Variants in STXBP5L observed in about 807,000 individuals in gnomAD.
The protein encoded by STXBP5L is syntaxin binding protein 5L, also known as syntaxin-binding protein 5-like.
Under a neutral mutation model 144.5 loss-of-function variants are expected in STXBP5L, and 65 were observed. The ratio of observed to expected loss-of-function variants is 0.45; its 90% confidence interval spans 0.37 to 0.55. STXBP5L has a LOEUF of 0.55. Ranked by LOEUF, STXBP5L falls within the 20% of genes least tolerant of loss-of-function variation. The pLI is 0.00. For synonymous variants in STXBP5L, 505 were observed against 469.6 expected, an observed-to-expected ratio of 1.08 and a Z score of -0.97; for missense variants, 1,298 against 1,405.5, an observed-to-expected ratio of 0.92 and a Z score of 1.22.
chr3:121,181,600 C>T (rs137989030), intron 9 of STXBP5L, among the ~76,000 whole-genome samples: 2 of 151,992 alleles, frequency 1.3e-5, no homozygotes, highest in African/African-American at 4.8e-5. Context: ...TGGGCATGGT[C>T]GTAGATGCCT....
chr3:121,368,921 G>T (rs1378577608), intron 20 of STXBP5L, among the ~76,000 whole-genome samples: 1 of 152,200 alleles, frequency 6.6e-6, no homozygotes, highest in Non-Finnish European at 1.5e-5. Context: ...TCAGACAGAG[G>T]GTGTAGGGCT....
chr3:121,005,098 A>T lies in STXBP5L; in HGVS notation c.288-36602A>T, dbSNP rs533858067. Among the ~76,000 whole-genome samples, 94 of 152,196 alleles carry T rather than the reference A, an allele frequency of 6.2e-4. 1 individual carries two copies. In the South Asian group the frequency reaches 0.019, roughly 30 times the overall value. On this transcript the variant is annotated intron_variant, in intron 3 of 26. Transcript: ENST00000471454. ...GTTAGGGAGGATTCCCTCTATTTCT[A>T]TTGATTGGAATAGTTTCAGAAGGAA...
At chr3:120,927,473 C>T (rs1709697692) in intron 2 of STXBP5L, among the ~76,000 whole-genome samples, 2 of 152,170 alleles carry the variant, frequency 1.3e-5, no homozygotes, top group African/African-American at 4.8e-5. Context: ...TCAGGTACTG[C>T]TAATGCTTTC....
At chr3:121,144,058 A>G (rs1373256981) in intron 7 of STXBP5L, among the ~76,000 whole-genome samples, 1 of 151,696 alleles carries the variant, frequency 6.6e-6, no homozygotes, top group Non-Finnish European at 1.5e-5. Flanking sequence ...CAATGTAGAG[A>G]ATAGGAGAAA....
intron 3 of STXBP5L, among the ~76,000 whole-genome samples, chr3:120,963,883 C>G (rs144257752): frequency 1.3e-5 from 2 of 152,284 alleles, no homozygotes; most frequent in African/African-American, 4.8e-5. Flanking sequence ...TAGTATTCTG[C>G]TTTGAATCCG....
At chr3:120,961,466 C>T (rs1167230325) in intron 3 of STXBP5L, among the ~76,000 whole-genome samples, 2 of 151,968 alleles carry the variant, frequency 1.3e-5, no homozygotes, top group African/African-American at 4.8e-5. Flanking sequence ...ATGTTCCCCG[C>T]CCCGTGTGTG....
In STXBP5L at chr3:121,407,527, C is replaced by A. The variant is rs2108742923; in HGVS notation, c.2872C>A (p.Gln958Lys). 1.2e-6 allele frequency: 2 copies of A among 1,613,360 alleles called. No individual in the cohort carries two copies. The highest frequency in any genetic ancestry group is 1.7e-6 in the Non-Finnish European group (2 of 1,179,528). Residue 958 changes from glutamine to lysine, a missense_variant, in exon 23 of 27, where the codon CAA becomes AAA. Coordinates refer to ENST00000471454, the MANE Select transcript of STXBP5L (RefSeq NM_001308330.2). ...CATCACGGAGACATCTTTTATACTG[C>A]AAGCAAATGTGGTGGTCATGTGTAG... ...HNITETSFIL[Q>K]ANVVVMCSSA...
chr3:121,060,673 A>T (rs1411099761), intron 5 of STXBP5L, among the ~76,000 whole-genome samples: 3 of 152,170 alleles, frequency 2.0e-5, no homozygotes, highest in Admixed American at 1.3e-4. Context: ...CTATTCAGGG[A>T]TTCGACTTCT....
chr3:121,020,921 A>G (rs562133321), intron 3 of STXBP5L, among the ~76,000 whole-genome samples: 5 of 152,184 alleles, frequency 3.3e-5, no homozygotes, highest in South Asian at 2.1e-4. Flanking sequence ...TTATATCTCA[A>G]TGCTAACATT....
intron 20 of STXBP5L, among the ~76,000 whole-genome samples, chr3:121,319,731 A>G (rs1264537394): frequency 6.6e-6 from 1 of 152,210 alleles, no homozygotes; most frequent in African/African-American, 2.4e-5. Context: ...TTCTTAAAAT[A>G]TTACTTTGAT....
chr3:121,380,232 T>G (rs2046291431), intron 21 of STXBP5L, among the ~76,000 whole-genome samples: 1 of 152,272 alleles, frequency 6.6e-6, no homozygotes, highest in Middle Eastern at 3.4e-3. Context: ...TCCAAATCTG[T>G]AAAACATATA....
chr3:121,190,052 T>A (rs2047576416), intron 9 of STXBP5L, among the ~76,000 whole-genome samples: 1 of 145,284 alleles, frequency 6.9e-6, no homozygotes, highest in East Asian at 2.2e-4. Flanking sequence ...TTTTTGTCCC[T>A]TTTTTTTTTA....
intron 3 of STXBP5L, among the ~76,000 whole-genome samples, chr3:121,033,726 A>T (rs1946548209): frequency 6.6e-6 from 1 of 151,978 alleles, no homozygotes; most frequent in Non-Finnish European, 1.5e-5. Context: ...TCTTATAAGT[A>T]AGAACTTTTT....
chr3:121,258,118 A>G (rs1046413419), intron 17 of STXBP5L, among the ~76,000 whole-genome samples: 7 of 152,134 alleles, frequency 4.6e-5, no homozygotes, highest in African/African-American at 1.4e-4. Context: ...CTAAACAAAG[A>G]TTTGCATCAT....
intron 3 of STXBP5L, among the ~76,000 whole-genome samples, chr3:120,999,882 G>A (rs1222528987): frequency 6.6e-6 from 1 of 151,990 alleles, no homozygotes; most frequent in Non-Finnish European, 1.5e-5. Flanking sequence ...TAGTTTGGTG[G>A]GATATGAAAT....
At chr3:121,056,647 T>G (rs1192820591) in intron 5 of STXBP5L, among the ~76,000 whole-genome samples, 2 of 152,176 alleles carry the variant, frequency 1.3e-5, no homozygotes, top group African/African-American at 4.8e-5. Context: ...GGTTTGACAT[T>G]CAAAAGGTAC....
intron 3 of STXBP5L, among the ~76,000 whole-genome samples, chr3:120,975,787 A>G (rs1185408572): frequency 6.6e-6 from 1 of 152,186 alleles, no homozygotes; most frequent in African/African-American, 2.4e-5. Flanking sequence ...CCTTTTCTGC[A>G]TCTATTGAGA....
intron 22 of STXBP5L, among the ~76,000 whole-genome samples, chr3:121,386,878 TC>T (rs2046439390): frequency 6.6e-6 from 1 of 152,190 alleles, no homozygotes; most frequent in Non-Finnish European, 1.5e-5. Context: ...TGTGCATGCA[TC>T]TTTATAGTAG....
At chr3:121,117,317 A>G (rs2044274928) in intron 6 of STXBP5L, among the ~76,000 whole-genome samples, 1 of 151,816 alleles carries the variant, frequency 6.6e-6, no homozygotes, top group Non-Finnish European at 1.5e-5. Context: ...AATGTTCTTG[A>G]AATATCTCTG....
Sources: allele counts gnomAD v4.1 joint callset (sites outside exome capture counted in the v4.1 genomes callset), GRCh38; gene constraint gnomAD v4.1.1; transcripts MANE v1.5; gene names NCBI Gene and HGNC (gene_info 2026-07-23, HGNC 2026-07-21).